Variants in CDH22 observed in about 807,000 individuals in gnomAD.
CDH22 encodes the protein cadherin 22.
In CDH22, 30 loss-of-function variants were observed where a neutral mutation model predicts 58.4. That is an observed-to-expected ratio of 0.51 (90% CI 0.38 to 0.70). The LOEUF (loss-of-function observed/expected upper bound fraction) is 0.70, where lower values mean the gene tolerates loss of function less well. Among genes scored for constraint, CDH22 ranks in the 30% least tolerant of loss-of-function variants. The probability of loss-of-function intolerance (pLI) is 0.00; values close to 1 mark genes in which losing one functional copy is unlikely to be tolerated. For synonymous variants in CDH22, 513 were observed against 558.2 expected (o/e 0.92, Z 1.14); for missense variants, 1,014 against 1,233.9 (o/e 0.82, Z 2.67).
intron 1 of CDH22, among the ~76,000 whole-genome samples, chr20:46,267,646 G>A (rs2086467400): frequency 6.6e-6 from 1 of 152,248 alleles, no homozygotes; most frequent in Non-Finnish European, 1.5e-5. Context: ...TCTGTGAAAT[G>A]GAGGAGTTGG....
chr20:46,256,906 T>G (rs2086409339), intron 1 of CDH22, among the ~76,000 whole-genome samples: 1 of 151,336 alleles, frequency 6.6e-6, no homozygotes, highest in African/African-American at 2.4e-5. Context: ...CTTGGGAGAC[T>G]GAGGCAGAAG....
chr20:46,275,879 G>A (rs552855941), intron 1 of CDH22, among the ~76,000 whole-genome samples: 1 of 151,954 alleles, frequency 6.6e-6, no homozygotes, highest in East Asian at 1.9e-4. Context: ...TTTACAAAAG[G>A]CTGCTATGGG....
intron 10 of CDH22, among the ~76,000 whole-genome samples, chr20:46,180,434 C>G (rs78100775): frequency 0.011 from 1,617 of 152,282 alleles, 22 homozygotes; most frequent in African/African-American, 0.032. Flanking sequence ...AGCTCTCCCC[C>G]CAAAGGATGC....
intron 3 of CDH22, among the ~76,000 whole-genome samples, chr20:46,229,350 G>A (rs1424999227): frequency 1.3e-5 from 2 of 150,956 alleles, no homozygotes; most frequent in Non-Finnish European, 1.5e-5. Flanking sequence ...ATTTCACTGA[G>A]GGCACAGAGT....
In CDH22 at chr20:46,290,688, G is replaced by A. The variant is rs181491921; in HGVS notation, c.-400+17567C>T. ...TCTGGCAGACTCTAAGGGAGAGGAA[G>A]GGGGTTAGGGTGGAGATGGGGAGGG... On this transcript the variant is annotated intron_variant, in intron 1 of 11. Coordinates refer to ENST00000537909, the MANE Select transcript of CDH22 (RefSeq NM_021248.3). Among the ~76,000 whole-genome samples the A allele has an allele frequency of 1.8e-3, 270 of 152,304 alleles. 1 individual carries two copies. The Middle Eastern group carries it at 0.02, about 12-fold the overall frequency.
chr20:46,255,878 G>A (rs573975675), intron 1 of CDH22, among the ~76,000 whole-genome samples: 6 of 152,178 alleles, frequency 3.9e-5, no homozygotes, highest in African/African-American at 1.2e-4. Flanking sequence ...CCTGGGGCAC[G>A]TTGGTGGCCT....
intron 4 of CDH22, 44 bp downstream of exon 4, chr20:46,227,464 G>GGCCCCCCCCCCCC: frequency 3.7e-6 from 5 of 1,351,110 alleles, no homozygotes; most frequent in Non-Finnish European, 2.0e-6. Flanking sequence ...CCCGCCCCTG[G>GGCCCCCCCCCCCC]CCCCGCCCCA....
intron 1 of CDH22, among the ~76,000 whole-genome samples, chr20:46,255,529 A>C (rs1243050063): frequency 6.6e-6 from 1 of 152,170 alleles, no homozygotes. Context: ...CACAATCTGT[A>C]CTACTGTTTG....
intron 8 of CDH22, among the ~76,000 whole-genome samples, chr20:46,192,921 C>T (rs141030697): frequency 1.3e-5 from 2 of 152,052 alleles, no homozygotes; most frequent in African/African-American, 4.8e-5. Context: ...CCATGCCCCC[C>T]CCCAGTGGGA....
intron 1 of CDH22, among the ~76,000 whole-genome samples, chr20:46,288,021 C>T (rs532831010): frequency 3.9e-5 from 6 of 152,200 alleles, no homozygotes; most frequent in South Asian, 4.1e-4. Context: ...AGGACCTGTT[C>T]GGTAAGACCT....
At chr20:46,199,718 G>T (rs2085941008) in intron 7 of CDH22, among the ~76,000 whole-genome samples, 159 bp from the exon 8 acceptor site, 1 of 152,180 alleles carries the variant, frequency 6.6e-6, no homozygotes, top group South Asian at 2.1e-4. Context: ...GGAAGCAACT[G>T]GGTGTGCATT....
chr20:46,290,671 A>T (rs2145776185), intron 1 of CDH22, among the ~76,000 whole-genome samples: 1 of 152,150 alleles, frequency 6.6e-6, no homozygotes, highest in South Asian at 2.1e-4. Flanking sequence ...GCTCTGGCAG[A>T]CTCTAAGGGA....
chr20:46,210,324 G>T lies in CDH22; in HGVS notation c.1269C>A (p.Ala423=). Reference sequence around the variant, plus strand: ...GGTCTCACCGGACGGGCCGGTTGGCGGCGTCGGGGTCCCGCGCCGTCACCA... The same window carrying T: ...GGTCTCACCGGACGGGCCGGTTGGCTGCGTCGGGGTCCCGCGCCGTCACCA... The part of the protein sequence containing the change: ...VGVVTARDPD[A]ANRPVRYAID... The change falls in exon 7 of 12, where the codon GCC becomes GCA. Residue 423 remains alanine (A), a synonymous_variant. Coordinates refer to ENST00000537909, the MANE Select transcript of CDH22 (RefSeq NM_021248.3). This position sits in a 1 kb window ranked among gnomAD's most constrained non-coding sequence, Gnocchi z 4.5. 1 of 1,450,734 alleles carries T rather than the reference G, an allele frequency of 6.9e-7. No homozygotes were observed. Among genetic ancestry groups the T allele is most frequent in the East Asian group, 3.0e-5 (1 of 33,256 alleles). The allele number at this position is 1,450,734 out of a possible 1,614,324, so 89.9% of individuals were successfully genotyped here.
chr20:46,212,985 G>A lies in CDH22; in HGVS notation c.1032+10C>T, dbSNP rs2086054940. ...GCCTGCCTCCCCCATTCCTCCTGAG[G>A]CAGCTGCACCTTCTGCACTACGATG... On this transcript the variant is annotated intron_variant, in intron 6 of 11. Coordinates refer to ENST00000537909, the MANE Select transcript of CDH22 (RefSeq NM_021248.3). The A allele has an allele frequency of 1.2e-6, 2 of 1,612,810 alleles. No individual in the cohort carries two copies. Among genetic ancestry groups the A allele is most frequent in the Non-Finnish European group, 1.7e-6 (2 of 1,178,968 alleles).
chr20:46,202,922 G>A (rs2145676496), intron 7 of CDH22, among the ~76,000 whole-genome samples: 1 of 152,340 alleles, frequency 6.6e-6, no homozygotes, highest in East Asian at 1.9e-4. Context: ...TCAGGGCTGG[G>A]CGAGAGGCCG....
At chr20:46,288,951 G>A (rs959095287) in intron 1 of CDH22, among the ~76,000 whole-genome samples, 4 of 152,176 alleles carry the variant, frequency 2.6e-5, no homozygotes, top group African/African-American at 9.7e-5. Context: ...AAATCAGGCC[G>A]TAACACTCCT....
intron 7 of CDH22, among the ~76,000 whole-genome samples, chr20:46,201,358 A>C (rs760825642): frequency 6.6e-6 from 1 of 152,210 alleles, no homozygotes. Flanking sequence ...GAGCCCTGAG[A>C]TGACCCGTCT....
chr20:46,259,043 A>G (rs1380783146), intron 1 of CDH22, among the ~76,000 whole-genome samples: 1 of 152,228 alleles, frequency 6.6e-6, no homozygotes, highest in Non-Finnish European at 1.5e-5. Context: ...TGCCTTGGAA[A>G]TAGGCCAGAT....
At chr20:46,304,679 C>T (rs531376710) in intron 1 of CDH22, among the ~76,000 whole-genome samples, 2 of 152,334 alleles carry the variant, frequency 1.3e-5, no homozygotes, top group Admixed American at 6.5e-5. Flanking sequence ...AAGGGAATTC[C>T]TCCAGGTTGC....
Sources: allele counts gnomAD v4.1 joint callset (sites outside exome capture counted in the v4.1 genomes callset), GRCh38; gene constraint gnomAD v4.1.1; non-coding constraint Gnocchi (gnomAD v3.1); transcripts MANE v1.5; gene names NCBI Gene and HGNC (gene_info 2026-07-23, HGNC 2026-07-21).